Variants in PELI2 observed in about 807,000 individuals in gnomAD.
The protein encoded by PELI2 is E3 ubiquitin-protein ligase pellino homolog 2.
In PELI2, 23 loss-of-function variants were observed where a neutral mutation model predicts 42.3. The ratio of observed to expected loss-of-function variants is 0.54; its 90% CI spans 0.39 to 0.77. The LOEUF (loss-of-function observed/expected upper bound fraction) is 0.77, where lower values mean the gene tolerates loss of function less well. Among genes scored for constraint, PELI2 ranks in the 30% least tolerant of loss-of-function variants. The pLI, the probability that PELI2 is intolerant of heterozygous loss-of-function variation, is 0.00. For missense variants in PELI2, 463 were observed against 553.2 expected, an observed-to-expected ratio of 0.84 and a Z score of 1.64; for synonymous variants, 245 against 212.2, an observed-to-expected ratio of 1.15 and a Z score of -1.34.
chr14:56,144,757 GT>G (rs1884049939), intron 1 of PELI2, among the ~76,000 whole-genome samples: 1 of 152,214 alleles, frequency 6.6e-6, no homozygotes, highest in Admixed American at 6.5e-5. Flanking sequence ...AAATAGCACT[GT>G]TCAGAATCTC....
At chr14:56,233,051 T>C (rs1424055554) in intron 2 of PELI2, among the ~76,000 whole-genome samples, 4 of 152,080 alleles carry the variant, frequency 2.6e-5, no homozygotes, top group African/African-American at 9.7e-5. Context: ...TTACAGGGTA[T>C]GTGAAGGACC....
intron 2 of PELI2, among the ~76,000 whole-genome samples, chr14:56,179,560 T>A (rs1885511347): frequency 6.6e-6 from 1 of 152,194 alleles, no homozygotes; most frequent in Non-Finnish European, 1.5e-5. Context: ...GAAAGATTAA[T>A]ATTTAGTAGA....
chr14:56,185,401 C>T (rs1265454530), intron 2 of PELI2, among the ~76,000 whole-genome samples: 1 of 152,146 alleles, frequency 6.6e-6, no homozygotes. Context: ...AAACATTAGG[C>T]TCTCTTATTT....
At chr14:56,190,517 T>G (rs1433661048) in intron 2 of PELI2, among the ~76,000 whole-genome samples, 2 of 152,098 alleles carry the variant, frequency 1.3e-5, no homozygotes, top group Admixed American at 6.5e-5. Context: ...AAAGACCCCC[T>G]TGCTCCCAGT....
chr14:56,188,365 G>A (rs958707216), intron 2 of PELI2, among the ~76,000 whole-genome samples: 2 of 152,070 alleles, frequency 1.3e-5, no homozygotes, highest in African/African-American at 4.8e-5. Flanking sequence ...GATAGTTTAT[G>A]TATCAGGTGT....
intron 2 of PELI2, among the ~76,000 whole-genome samples, chr14:56,192,713 C>T (rs28439689): frequency 1.6e-4 from 25 of 152,264 alleles, no homozygotes; most frequent in African/African-American, 5.5e-4. Flanking sequence ...TCATCGCTCA[C>T]GTTGGGGACT....
At chr14:56,165,875 T>C (rs1315743835) in intron 1 of PELI2, among the ~76,000 whole-genome samples, 1 of 152,184 alleles carries the variant, frequency 6.6e-6, no homozygotes, top group African/African-American at 2.4e-5. Context: ...ACTTTTTCTA[T>C]CCCTTTATTT....
intron 1 of PELI2, among the ~76,000 whole-genome samples, chr14:56,169,494 A>T (rs1885092789): frequency 6.6e-6 from 1 of 152,112 alleles, no homozygotes; most frequent in African/African-American, 2.4e-5. Context: ...ATGCCTCACC[A>T]TTACTGTGCT....
chr14:56,290,388 G>A lies in PELI2; in HGVS notation c.628G>A (p.Glu210Lys). The stretch of plus-strand genomic sequence containing the variant: ...GGAGTCCCAGCCCGGGGTCTGGCGC[G>A]AGATCTCTGTCTGTGGAGATGTGTA... The part of the protein sequence containing the change: ...TEESQPGVWR[E>K]ISVCGDVYTL... Residue 210 changes from glutamate to lysine, a missense_variant, in exon 5 of 6, where the codon GAG (glutamate) becomes AAG (lysine). Coordinates refer to ENST00000267460, the MANE Select transcript of PELI2 (RefSeq NM_021255.3). 6.2e-7 allele frequency: 1 copy of A among 1,613,842 alleles called. No homozygotes were observed.
chr14:56,197,777 C>A lies in PELI2; in HGVS notation c.207+19313C>A, dbSNP rs1886176306. Among the ~76,000 whole-genome samples, 1 of 152,046 alleles carries A rather than the reference C, an allele frequency of 6.6e-6. No individual in the cohort carries two copies. The highest frequency in any genetic ancestry group is 1.5e-5 in the Non-Finnish European group (1 of 68,010). ...AGCTTGCATAGAACGAAAAGATTAA[C>A]CCAATCCAAGCAAGAGGGAATTATC... On this transcript the variant is annotated intron_variant, in intron 2 of 5. Transcript: ENST00000267460. This position sits in a 1 kb window ranked among gnomAD's most constrained non-coding sequence, Gnocchi z 4.9.
chr14:56,261,448 G>A (rs1357492956), intron 2 of PELI2, among the ~76,000 whole-genome samples: 1 of 152,108 alleles, frequency 6.6e-6, no homozygotes, highest in Non-Finnish European at 1.5e-5. Context: ...ATGGGTGACT[G>A]AACTACATCG....
chr14:56,147,085 A>G (rs933331820), intron 1 of PELI2, among the ~76,000 whole-genome samples: 12 of 152,188 alleles, frequency 7.9e-5, no homozygotes, highest in African/African-American at 2.9e-4. Context: ...TCTTCCACTT[A>G]ACATAATGTT....
intron 1 of PELI2, among the ~76,000 whole-genome samples, chr14:56,157,251 T>A (rs1023512765): frequency 6.6e-6 from 1 of 152,208 alleles, no homozygotes; most frequent in Non-Finnish European, 1.5e-5. Flanking sequence ...TTGACCTGAT[T>A]CACTTACTAC....
chr14:56,243,555 A>C (rs928311115), intron 2 of PELI2, among the ~76,000 whole-genome samples: 7 of 151,600 alleles, frequency 4.6e-5, no homozygotes, highest in African/African-American at 1.7e-4. Flanking sequence ...AAATCAGTTA[A>C]GGTAATTGAA....
intron 2 of PELI2, among the ~76,000 whole-genome samples, chr14:56,239,406 T>C (rs1040640024): frequency 2.0e-5 from 3 of 152,236 alleles, no homozygotes; most frequent in Non-Finnish European, 4.4e-5. Flanking sequence ...CTATCAGTTA[T>C]TTGAGTTTGA....
chr14:56,277,038 A>G (rs765695490), intron 2 of PELI2, among the ~76,000 whole-genome samples: 9 of 152,182 alleles, frequency 5.9e-5, no homozygotes, highest in Non-Finnish European at 8.8e-5. Context: ...GAATATTTTT[A>G]TAATGAAACA....
intron 2 of PELI2, among the ~76,000 whole-genome samples, chr14:56,193,704 A>C (rs979949040): frequency 2.0e-5 from 3 of 152,252 alleles, no homozygotes; most frequent in African/African-American, 7.2e-5. Context: ...CAATATTTTA[A>C]AATTTTATCA....
chr14:56,138,738 A>G (rs563191177), intron 1 of PELI2, among the ~76,000 whole-genome samples: 1 of 152,208 alleles, frequency 6.6e-6, no homozygotes, highest in Non-Finnish European at 1.5e-5. Context: ...TGGCATAACT[A>G]AAATATATAG....
At chr14:56,138,953 A>C (rs1436675326) in intron 1 of PELI2, among the ~76,000 whole-genome samples, 4 of 152,176 alleles carry the variant, frequency 2.6e-5, no homozygotes, top group Non-Finnish European at 5.9e-5. Context: ...AAGTTGATGA[A>C]CATGTGGGAA....
Sources: allele counts gnomAD v4.1 joint callset (sites outside exome capture counted in the v4.1 genomes callset), GRCh38; gene constraint gnomAD v4.1.1; non-coding constraint Gnocchi (gnomAD v3.1); transcripts MANE v1.5; gene names NCBI Gene and HGNC (gene_info 2026-07-23, HGNC 2026-07-21).